The following SPATA6 variants were observed in gnomAD, a reference collection of about 807,000 sequenced individuals.
SPATA6 encodes spermatogenesis-associated protein 6.
A neutral mutation model predicts 65.3 loss-of-function variants in SPATA6; 56 were observed. That is an observed-to-expected ratio of 0.86 (90% CI 0.69 to 1.07). The LOEUF is 1.07. Among genes scored for constraint, SPATA6 ranks in the 50% least tolerant of loss-of-function variants. The pLI is 0.00. For synonymous variants in SPATA6, 199 were observed against 213.2 expected (o/e 0.93, Z 0.58); for missense variants, 590 against 594.8 (o/e 0.99, Z 0.08).
At chr1:48,289,167 AGCAACATTTGCTGTTCT>A in the SPATA6 span, among the ~76,000 whole-genome samples, 1 of 152,260 alleles carries the variant, frequency 6.6e-6, no homozygotes, top group Non-Finnish European at 1.5e-5. Context: ...ATGATCAGAC[AGCAACATTTGCTGTTCT>A]GCAATATTTG....
chr1:48,266,488 G>A, the SPATA6 span, among the ~76,000 whole-genome samples: 5 of 152,042 alleles, frequency 3.3e-5, no homozygotes, highest in Middle Eastern at 3.2e-3. Context: ...TGTCATGGAA[G>A]GATACAATGA....
chr1:48,329,697 A>G (rs1645860162), intron 11 of SPATA6, among the ~76,000 whole-genome samples: 1 of 152,250 alleles, frequency 6.6e-6, no homozygotes, highest in Non-Finnish European at 1.5e-5. Flanking sequence ...ATGAGAAACC[A>G]CGTTGGAATC....
chr1:48,331,461 T>C (rs1326724206), intron 11 of SPATA6, among the ~76,000 whole-genome samples: 1 of 148,728 alleles, frequency 6.7e-6, no homozygotes, highest in African/African-American at 2.5e-5. Flanking sequence ...ACCAAGCTGA[T>C]GAAAGAATCT....
At chr1:48,292,543 C>A (rs1359920415), downstream of SPATA6, among the ~76,000 whole-genome samples, 1 of 152,152 alleles carries the variant, frequency 6.6e-6, no homozygotes, top group Non-Finnish European at 1.5e-5. Flanking sequence ...GGCAAGTATG[C>A]CTGTGGCACT....
intron 6 of SPATA6, chr1:48,400,677 A>C: frequency 8.4e-6 from 7 of 838,292 alleles, no homozygotes; most frequent in Middle Eastern, 2.8e-4. Flanking sequence ...AAGAAGAGTC[A>C]AATTTTTTAA....
At chr1:48,291,330 C>G (rs546358971), downstream of SPATA6, among the ~76,000 whole-genome samples, 12 of 152,152 alleles carry the variant, frequency 7.9e-5, no homozygotes, top group Admixed American at 1.3e-4. Flanking sequence ...GCTACCAGGG[C>G]GGGTAGAGAA....
intron 6 of SPATA6, among the ~76,000 whole-genome samples, chr1:48,400,019 A>G (rs1227434407): frequency 6.6e-6 from 1 of 151,984 alleles, no homozygotes; most frequent in African/African-American, 2.4e-5. Flanking sequence ...TGGCTATATA[A>G]GAGAACTATG....
chr1:48,413,854 A>C lies in SPATA6; in HGVS notation c.239-703T>G, dbSNP rs554447726. Among the ~76,000 whole-genome samples, 101 of 152,344 alleles carry C rather than the reference A, an allele frequency of 6.6e-4. 1 individual carries two copies. In the South Asian group the frequency reaches 0.019, roughly 29 times the overall value. ...GTATTACATACTGTATTCTTACAAT[A>C]AAGTAAGCTAGAGAAAAGAAAATGT... On this transcript the variant is annotated intron_variant, in intron 3 of 12. Transcript: ENST00000371847.
chr1:48,401,718 C>G (rs1169512997), intron 6 of SPATA6, among the ~76,000 whole-genome samples: 1 of 152,054 alleles, frequency 6.6e-6, no homozygotes, highest in Non-Finnish European at 1.5e-5. Flanking sequence ...TGCCACTGTT[C>G]AACATGTGAG....
chr1:48,364,364 G>A (rs1646924815), intron 9 of SPATA6, among the ~76,000 whole-genome samples: 1 of 152,148 alleles, frequency 6.6e-6, no homozygotes, highest in Admixed American at 6.5e-5. Flanking sequence ...CTAGATCCCT[G>A]AGGAATCGCC....
At chr1:48,281,759 C>T in the SPATA6 span, among the ~76,000 whole-genome samples, 19 of 151,864 alleles carry the variant, frequency 1.3e-4, no homozygotes, top group Admixed American at 2.0e-4. Context: ...GCCATACTGC[C>T]CAAGGTAATT....
intron 3 of SPATA6, chr1:48,436,710 G>A: frequency 6.2e-7 from 1 of 1,614,220 alleles, no homozygotes; most frequent in South Asian, 1.1e-5. Context: ...ATAATGTGAA[G>A]TCAGATATTT....
chr1:48,299,017 TAAAACAGAG>T, intron 12 of SPATA6, 124 bp from the exon 13 acceptor site: 1 of 907,262 alleles, frequency 1.1e-6, no homozygotes, highest in Non-Finnish European at 1.6e-6. Context: ...CTGTGAAAAA[TAAAACAGAG>T]TAAGGCCTGT....
chr1:48,342,192 G>A (rs1032698851), intron 11 of SPATA6, among the ~76,000 whole-genome samples: 4 of 152,044 alleles, frequency 2.6e-5, no homozygotes, highest in Admixed American at 2.6e-4. Context: ...TCAGTCATGG[G>A]TAACATGTAT....
intron 11 of SPATA6, among the ~76,000 whole-genome samples, chr1:48,342,683 T>G (rs72893210): frequency 0.025 from 3,737 of 151,974 alleles, 97 homozygotes; most frequent in African/African-American, 0.067. Context: ...AAATTTATAT[T>G]TTGTGAGATA....
At chr1:48,350,447 C>T (rs1010215395) in intron 11 of SPATA6, among the ~76,000 whole-genome samples, 1 of 151,146 alleles carries the variant, frequency 6.6e-6, no homozygotes, top group African/African-American at 2.4e-5. Flanking sequence ...GTTTTTTTAA[C>T]TTTATGGATG....
At chr1:48,344,858 C>G (rs575837477) in intron 11 of SPATA6, among the ~76,000 whole-genome samples, 1 of 152,202 alleles carries the variant, frequency 6.6e-6, no homozygotes, top group East Asian at 1.9e-4. Flanking sequence ...AACACAGGAG[C>G]ACGCAGATTT....
chr1:48,365,413 G>C (rs1430157086), intron 9 of SPATA6, among the ~76,000 whole-genome samples: 2 of 152,102 alleles, frequency 1.3e-5, no homozygotes, highest in Non-Finnish European at 2.9e-5. Flanking sequence ...TCACGATATT[G>C]ATTCTTCCTA....
At chr1:48,350,058 T>C (rs1646474495) in intron 11 of SPATA6, among the ~76,000 whole-genome samples, 1 of 151,882 alleles carries the variant, frequency 6.6e-6, no homozygotes, top group Admixed American at 6.6e-5. Context: ...GCTATACCAT[T>C]GGTATTCCCA....
Sources: gnomAD v4.1 joint callset for allele counts (sites outside exome capture counted in the v4.1 genomes callset) on GRCh38, gnomAD v4.1.1 for gene constraint, MANE v1.5 for transcripts, NCBI Gene and HGNC (gene_info 2026-07-23, HGNC 2026-07-21) for gene names.